The following GHR variants were observed in gnomAD, a reference collection of about 807,000 sequenced individuals.
The protein encoded by GHR is GH receptor.
In GHR, 35 loss-of-function variants were observed where a neutral mutation model predicts 67.1. The observed-to-expected ratio is 0.52, with a 90% confidence interval of 0.40 to 0.69. The LOEUF (loss-of-function observed/expected upper bound fraction) is 0.69. Ranked by LOEUF, GHR falls within the 30% of genes least tolerant of loss-of-function variation. GHR has a pLI of 0.00. For synonymous variants in GHR, 272 were observed against 269.1 expected (o/e 1.01, Z -0.10); for missense variants, 792 against 764.6 (o/e 1.04, Z -0.42).
chr5:42,455,546 C>G (rs572762447), intron 1 of GHR, among the ~76,000 whole-genome samples: 9 of 152,254 alleles, frequency 5.9e-5, no homozygotes, highest in African/African-American at 2.2e-4. Context: ...AATTTATTCC[C>G]AATTTATATG....
At chr5:42,648,012 T>C (rs576355086) in intron 3 of GHR, among the ~76,000 whole-genome samples, 754 of 152,322 alleles carry the variant, frequency 5.0e-3, no homozygotes, top group Non-Finnish European at 8.8e-3. Flanking sequence ...GTAAAGTTTC[T>C]CTGTATTTTT....
At chr5:42,661,509 T>C (rs1755621230) in intron 3 of GHR, among the ~76,000 whole-genome samples, 1 of 152,152 alleles carries the variant, frequency 6.6e-6, no homozygotes, top group East Asian at 1.9e-4. Context: ...AAACTAAGCT[T>C]CATAAGTGAA....
At chr5:42,634,314 G>A (rs549914998) in intron 3 of GHR, among the ~76,000 whole-genome samples, 191 of 152,050 alleles carry the variant, frequency 1.3e-3, no homozygotes, top group African/African-American at 4.4e-3. Flanking sequence ...AAATTGAACC[G>A]TATGAAATTG....
intron 3 of GHR, among the ~76,000 whole-genome samples, chr5:42,645,422 C>T (rs767392216): frequency 2.4e-4 from 37 of 152,300 alleles, no homozygotes; most frequent in Non-Finnish European, 1.5e-5. Flanking sequence ...TATCCCCTTT[C>T]ATCACTCCTG....
At chr5:42,574,302 A>G (rs1397380909) in intron 2 of GHR, among the ~76,000 whole-genome samples, 1 of 152,248 alleles carries the variant, frequency 6.6e-6, no homozygotes, top group Non-Finnish European at 1.5e-5. Context: ...AAGTACATGA[A>G]GTGCCATACT....
At chr5:42,439,253 A>T (rs1333714558) in intron 1 of GHR, among the ~76,000 whole-genome samples, 1 of 152,212 alleles carries the variant, frequency 6.6e-6, no homozygotes, top group Non-Finnish European at 1.5e-5. Flanking sequence ...ACTTTTAAGA[A>T]ATCCTCATGG....
At chr5:42,476,776 C>T (rs1745343214) in intron 1 of GHR, among the ~76,000 whole-genome samples, 1 of 152,120 alleles carries the variant, frequency 6.6e-6, no homozygotes, top group Non-Finnish European at 1.5e-5. Context: ...GGTGTTACTA[C>T]CTCTAATAGT....
chr5:42,524,216 T>C (rs1747601355), intron 1 of GHR, among the ~76,000 whole-genome samples: 1 of 152,172 alleles, frequency 6.6e-6, no homozygotes, highest in Non-Finnish European at 1.5e-5. Flanking sequence ...TGGAACTTCC[T>C]AGGGACTTAT....
chr5:42,449,127 G>T (rs891094975), intron 1 of GHR, among the ~76,000 whole-genome samples: 3 of 151,938 alleles, frequency 2.0e-5, no homozygotes, highest in Non-Finnish European at 2.9e-5. Context: ...GCTCTTTTTT[G>T]GTTCCATATA....
At chr5:42,426,823 C>A (rs2111867335) in intron 1 of GHR, among the ~76,000 whole-genome samples, 1 of 152,158 alleles carries the variant, frequency 6.6e-6, no homozygotes, top group Non-Finnish European at 1.5e-5. Context: ...AAAAGAATTA[C>A]TTAAGATGAT....
chr5:42,652,193 AG>A (rs1755047020), intron 3 of GHR, among the ~76,000 whole-genome samples: 1 of 152,200 alleles, frequency 6.6e-6, no homozygotes, highest in African/African-American at 2.4e-5. Context: ...AGACAACTAT[AG>A]GGAATTCTGA....
intron 1 of GHR, among the ~76,000 whole-genome samples, chr5:42,453,792 C>CA (rs1474148361): frequency 6.6e-6 from 1 of 152,158 alleles, no homozygotes; most frequent in Non-Finnish European, 1.5e-5. Flanking sequence ...GCTGTGTCTG[C>CA]AGTGGAGTGC....
At chr5:42,683,063 G>A (rs1171874574) in intron 3 of GHR, among the ~76,000 whole-genome samples, 5 of 152,066 alleles carry the variant, frequency 3.3e-5, no homozygotes, top group Admixed American at 6.5e-5. Context: ...GTGCAGTGGC[G>A]CAATCTTGGC....
intron 2 of GHR, among the ~76,000 whole-genome samples, chr5:42,605,174 C>G (rs1219821315): frequency 6.6e-6 from 1 of 150,430 alleles, no homozygotes; most frequent in East Asian, 2.0e-4. Context: ...TCAGCTCACC[C>G]CAACCTCCAC....
At chr5:42,438,451 A>G (rs917764517) in intron 1 of GHR, among the ~76,000 whole-genome samples, 24 of 152,170 alleles carry the variant, frequency 1.6e-4, no homozygotes, top group African/African-American at 5.8e-4. Context: ...ACTCATTTCT[A>G]TTAAATGGAG....
At chr5:42,502,367 G>C (rs1231364154) in intron 1 of GHR, among the ~76,000 whole-genome samples, 1 of 152,152 alleles carries the variant, frequency 6.6e-6, no homozygotes, top group African/African-American at 2.4e-5. Context: ...CAAATTGAAG[G>C]CTTAAAAAAT....
chr5:42,545,634 G>A (rs180918913), intron 1 of GHR, among the ~76,000 whole-genome samples: 108 of 152,136 alleles, frequency 7.1e-4, no homozygotes, highest in African/African-American at 2.4e-3. Flanking sequence ...AAGTGTCTGC[G>A]CTTGAAATTC....
intron 1 of GHR, among the ~76,000 whole-genome samples, chr5:42,511,163 TG>T (rs951366174): frequency 1.3e-5 from 2 of 152,194 alleles, no homozygotes; most frequent in African/African-American, 4.8e-5. Flanking sequence ...CTTTTGCTAC[TG>T]GTCTTTCCCT....
At chr5:42,539,961 A>C (rs552699887) in intron 1 of GHR, among the ~76,000 whole-genome samples, 5 of 152,120 alleles carry the variant, frequency 3.3e-5, no homozygotes, top group Non-Finnish European at 7.4e-5. Flanking sequence ...TGGCTGACTT[A>C]TTTTTGTCAG....
Sources: allele counts gnomAD v4.1 joint callset (sites outside exome capture counted in the v4.1 genomes callset), GRCh38; gene constraint gnomAD v4.1.1; transcripts MANE v1.5; gene names NCBI Gene and HGNC (gene_info 2026-07-23, HGNC 2026-07-21).